The following CSMD1 variants were observed in gnomAD, a reference collection of about 807,000 sequenced individuals.
CSMD1 encodes CUB and sushi domain-containing protein 1.
Under a neutral mutation model 417.5 loss-of-function variants are expected in CSMD1, and 213 were observed. The observed-to-expected ratio is 0.51, with a 90% CI of 0.46 to 0.57. The LOEUF is 0.57. Among genes scored for constraint, CSMD1 ranks in the 20% least tolerant of loss-of-function variants. The pLI, the probability that CSMD1 is intolerant of heterozygous loss-of-function variation, is 0.00. For missense variants in CSMD1, 6,923 were observed against 4,529.7 expected (o/e 1.53, Z -15.17); for synonymous variants, 2,862 against 1,736.8 (o/e 1.65, Z -16.11).
At chr8:4,118,937 TG>T (rs1372405306) in intron 3 of CSMD1, among the ~76,000 whole-genome samples, 1 of 152,162 alleles carries the variant, frequency 6.6e-6, no homozygotes, top group East Asian at 1.9e-4. Flanking sequence ...TCATTTCCTT[TG>T]GGGGGACATG....
At chr8:4,161,323 A>C (rs1797147723) in intron 3 of CSMD1, among the ~76,000 whole-genome samples, 1 of 152,234 alleles carries the variant, frequency 6.6e-6, no homozygotes, top group South Asian at 2.1e-4. Flanking sequence ...TAAGTGACAG[A>C]ATTAGGGCTA....
At chr8:3,260,988 GAACAAC>G (rs760923162) in intron 26 of CSMD1, among the ~76,000 whole-genome samples, 1 of 151,070 alleles carries the variant, frequency 6.6e-6, no homozygotes, top group Admixed American at 6.6e-5. Context: ...ATGGGAAAAG[GAACAAC>G]AACAACAACA....
chr8:4,608,233 A>T (rs1800986790), intron 2 of CSMD1, among the ~76,000 whole-genome samples: 1 of 152,152 alleles, frequency 6.6e-6, no homozygotes, highest in African/African-American at 2.4e-5. Context: ...AAGCATTTTG[A>T]GCTGGAGATT....
At chr8:4,106,281 G>C (rs916062189) in intron 3 of CSMD1, among the ~76,000 whole-genome samples, 1 of 152,220 alleles carries the variant, frequency 6.6e-6, no homozygotes, top group East Asian at 1.9e-4. Flanking sequence ...ATGTGTTTCT[G>C]TGGGTGGGAA....
intron 41 of CSMD1, among the ~76,000 whole-genome samples, chr8:3,134,565 G>A (rs1052658152): frequency 6.6e-6 from 1 of 152,220 alleles, no homozygotes; most frequent in Non-Finnish European, 1.5e-5. Context: ...CTTAGGGATG[G>A]TCGAGTGGTT....
chr8:3,457,139 C>G (rs527447574), intron 12 of CSMD1, among the ~76,000 whole-genome samples: 3 of 151,112 alleles, frequency 2.0e-5, no homozygotes. Context: ...CTCCCGTACT[C>G]GTCACTGAAC....
intron 3 of CSMD1, among the ~76,000 whole-genome samples, chr8:4,147,175 C>A (rs1804189494): frequency 1.3e-5 from 2 of 152,080 alleles, no homozygotes; most frequent in South Asian, 2.1e-4. Context: ...CCCCTGCCCC[C>A]ACCACCAGGC....
intron 26 of CSMD1, among the ~76,000 whole-genome samples, chr8:3,248,177 T>G (rs991690507): frequency 2.6e-5 from 4 of 152,046 alleles, no homozygotes; most frequent in Middle Eastern, 3.2e-3. Context: ...AAACAGAAAT[T>G]AAAGAATGAA....
chr8:4,664,805 G>C (rs1048869312), intron 1 of CSMD1, among the ~76,000 whole-genome samples: 1 of 152,068 alleles, frequency 6.6e-6, no homozygotes, highest in African/African-American at 2.4e-5. Context: ...CATCTTTATG[G>C]TGAGGGAAAA....
At chr8:4,847,633 G>C (rs867511726) in intron 1 of CSMD1, among the ~76,000 whole-genome samples, 39 of 151,944 alleles carry the variant, frequency 2.6e-4, no homozygotes, top group South Asian at 1.7e-3. Flanking sequence ...CCCCACCGAG[G>C]ACCCTGTATA....
At chr8:4,854,143 G>C (rs899305300) in intron 1 of CSMD1, among the ~76,000 whole-genome samples, 32 of 152,276 alleles carry the variant, frequency 2.1e-4, no homozygotes, top group African/African-American at 7.2e-4. Context: ...TAAGATTTTG[G>C]GGGCTATTGG....
In CSMD1 at chr8:4,746,545, C is replaced by T. The variant is rs1005592251; in HGVS notation, c.86-108987G>A. 1.4e-4 allele frequency among the ~76,000 whole-genome samples: 21 copies of T among 152,288 alleles called. No homozygotes were observed. In the Middle Eastern group the frequency reaches 0.01, roughly 74 times the overall value. On this transcript the variant is annotated intron_variant, in intron 1 of 69. Coordinates refer to ENST00000635120, the MANE Select transcript of CSMD1 (RefSeq NM_033225.6). ...GTCTGTTTTACATGATCAGTGAAGA[C>T]GAAGGGCTTGCCCAAGTGAGAATGA...
chr8:3,186,833 A>T (rs1440681673), intron 36 of CSMD1, among the ~76,000 whole-genome samples: 18 of 152,220 alleles, frequency 1.2e-4, no homozygotes, highest in Non-Finnish European at 2.9e-5. Context: ...TCTAGTAGCT[A>T]ATCTTTGTTC....
chr8:3,427,036 C>G (rs1358081668), intron 12 of CSMD1, among the ~76,000 whole-genome samples: 2 of 152,232 alleles, frequency 1.3e-5, no homozygotes, highest in Non-Finnish European at 2.9e-5. Flanking sequence ...ATAAAACCAA[C>G]ACATCTCATG....
At chr8:3,425,604 A>G (rs1813789334) in intron 12 of CSMD1, among the ~76,000 whole-genome samples, 1 of 147,900 alleles carries the variant, frequency 6.8e-6, no homozygotes, top group Admixed American at 6.8e-5. Flanking sequence ...AAAAAAAAAA[A>G]GAAGAAAGAA....
chr8:4,231,209 G>A (rs973280064), intron 3 of CSMD1, among the ~76,000 whole-genome samples: 2 of 152,118 alleles, frequency 1.3e-5, no homozygotes, highest in Non-Finnish European at 2.9e-5. Context: ...CTAAATGAAA[G>A]GCATTGTCTT....
chr8:3,642,833 A>T (rs1197806234), intron 7 of CSMD1, among the ~76,000 whole-genome samples: 1 of 152,104 alleles, frequency 6.6e-6, no homozygotes, highest in African/African-American at 2.4e-5. Context: ...TTATACATCC[A>T]TATTTGTGTA....
At chr8:4,496,427 A>T (rs1434976714) in intron 2 of CSMD1, among the ~76,000 whole-genome samples, 1 of 152,190 alleles carries the variant, frequency 6.6e-6, no homozygotes, top group African/African-American at 2.4e-5. Context: ...TCAGAAAGAA[A>T]ACATAAAAGC....
At chr8:3,490,064 G>A (rs1237376301) in intron 11 of CSMD1, among the ~76,000 whole-genome samples, 1 of 152,170 alleles carries the variant, frequency 6.6e-6, no homozygotes, top group Non-Finnish European at 1.5e-5. Context: ...ATTTGTCGAT[G>A]TATCGCCTAA....
Sources: allele counts gnomAD v4.1 joint callset (sites outside exome capture counted in the v4.1 genomes callset), GRCh38; gene constraint gnomAD v4.1.1; transcripts MANE v1.5; gene names NCBI Gene and HGNC (gene_info 2026-07-23, HGNC 2026-07-21).